ENTPD1: variants seen among roughly 807,000 people sequenced by gnomAD.
ENTPD1 encodes the protein ectonucleoside triphosphate diphosphohydrolase 1.
Under a neutral mutation model 57.0 loss-of-function variants are expected in ENTPD1, and 33 were observed. The ratio of observed to expected loss-of-function variants is 0.58; its 90% CI spans 0.44 to 0.77. ENTPD1 has a LOEUF of 0.77. ENTPD1 is among the 30% of genes least tolerant of loss of function. ENTPD1 has a pLI of 0.00. For missense variants in ENTPD1, 501 were observed against 603.4 expected (o/e 0.83, Z 1.78); for synonymous variants, 202 against 218.8 (o/e 0.92, Z 0.68).
At chr10:95,772,316 G>A (rs2098118492) in intron 1 of ENTPD1, among the ~76,000 whole-genome samples, 1 of 152,206 alleles carries the variant, frequency 6.6e-6, no homozygotes, top group Admixed American at 6.5e-5. Flanking sequence ...ATGTGGTGCT[G>A]TTTGATAACA....
chr10:95,713,294 T>C (rs2097967925), intron 1 of ENTPD1, among the ~76,000 whole-genome samples: 2 of 152,244 alleles, frequency 1.3e-5, no homozygotes, highest in African/African-American at 4.8e-5. Context: ...AGATGGATCC[T>C]TTAAATTAGA....
At chr10:95,776,478 C>T (rs1357602622) in intron 1 of ENTPD1, among the ~76,000 whole-genome samples, 3 of 152,238 alleles carry the variant, frequency 2.0e-5, no homozygotes, top group African/African-American at 7.2e-5. Context: ...CCACTCTCTT[C>T]TGGCTTGTAG....
intron 1 of ENTPD1, among the ~76,000 whole-genome samples, chr10:95,763,674 C>G (rs1053748735): frequency 1.1e-4 from 16 of 152,018 alleles, no homozygotes; most frequent in Non-Finnish European, 2.9e-5. Context: ...CTTCAGACTT[C>G]CAGAACTGTA....
chr10:95,864,827 C>G lies in ENTPD1; in HGVS notation c.1292C>G (p.Ala431Gly). The stretch of plus-strand genomic sequence containing the variant: ...CTTCTGCAAGGCTATCATTTCACAG[C>G]TGATTCCTGGGAGCACATCCATTTC... Reference protein sequence around the residue: ...SLLLQGYHFTADSWEHIHFIG... With the variant: ...SLLLQGYHFTGDSWEHIHFIG... Residue 431 changes from alanine to glycine, a missense_variant, in exon 9 of 10, where the codon GCT becomes GGT. Physicochemically the swap from Ala to Gly is moderately conservative, Grantham distance 60 (BLOSUM62 0). Transcript: ENST00000371205. 3 of 1,613,808 alleles carry G rather than the reference C, an allele frequency of 1.9e-6. No homozygotes were observed. Among genetic ancestry groups the G allele is most frequent in the Non-Finnish European group, 2.5e-6 (3 of 1,180,020 alleles).
chr10:95,765,649 A>C (rs545990985), intron 1 of ENTPD1, among the ~76,000 whole-genome samples: 5 of 152,160 alleles, frequency 3.3e-5, no homozygotes, highest in African/African-American at 1.2e-4. Context: ...TATTTTTTAA[A>C]TATTGTTTGG....
At chr10:95,706,999 G>A (rs972403141), upstream of ENTPD1, among the ~76,000 whole-genome samples, 2 of 152,224 alleles carry the variant, frequency 1.3e-5, no homozygotes, top group Admixed American at 6.5e-5. Context: ...GGGACTGAGG[G>A]GGGTGCCTTC....
At position 95,876,562 on chromosome 10, in the gene ENTPD1, G is replaced by C; in HGVS notation, c.*10179G>C. On this transcript the variant is annotated 3_prime_UTR_variant, in exon 10 of 10. Transcript: ENST00000371205. ...ACCATCTTCTTGGAGTACTCATGAA[G>C]ATGGAAGTCTACATGGAGAATACAG... 8.1e-7 allele frequency: 1 copy of C among 1,231,070 alleles called. No individual in the cohort carries two copies. The highest frequency in any genetic ancestry group is 1.6e-5 in the African/African-American group (1 of 64,510). 76.3% of individuals were successfully genotyped at this position (1,231,070 alleles called of 1,614,324 possible).
chr10:95,715,990 G>T (rs2097971032), intron 1 of ENTPD1, among the ~76,000 whole-genome samples: 1 of 152,032 alleles, frequency 6.6e-6, no homozygotes, highest in Admixed American at 6.5e-5. Context: ...TCAGCCTCCT[G>T]AGTAGCCGGG....
Position 95,758,002 on chromosome 10 carries a change from C to CAAAAAAAAAAA in ENTPD1, c.16+1765_16+1775dup, listed in dbSNP as rs57407553. ...CCTGGGCGAGAGTGAGACACTGTCT[C>CAAAAAAAAAAA]AAAAAAAAAAAAAAAAAAAAAAAAA... On this transcript the variant is annotated intron_variant, in intron 1 of 9. Coordinates refer to ENST00000371205, the MANE Select transcript of ENTPD1 (RefSeq NM_001776.6). Among the ~76,000 whole-genome samples the CAAAAAAAAAAA allele has an allele frequency of 1.1e-3, 28 of 26,402 alleles. 2 individuals carry two copies. The highest frequency in any genetic ancestry group is 5.2e-3 in the East Asian group (3 of 578). 17.3% of individuals were successfully genotyped at this position (26,402 alleles called of 152,430 possible). A position where few individuals can be genotyped will look rare whatever the true frequency, so the allele number is the denominator to read the frequency against.
intron 1 of ENTPD1, among the ~76,000 whole-genome samples, chr10:95,805,718 T>C (rs2140376536): frequency 1.3e-5 from 2 of 152,354 alleles, no homozygotes; most frequent in East Asian, 1.9e-4. Context: ...TTTGCTTGTC[T>C]GTAAAGGATT....
chr10:95,834,209 T>C (rs990574483), intron 2 of ENTPD1, among the ~76,000 whole-genome samples: 1 of 152,368 alleles, frequency 6.6e-6, no homozygotes, highest in Middle Eastern at 3.4e-3. Flanking sequence ...CTGTGCCTAA[T>C]GTATAGTAGG....
intron 1 of ENTPD1, among the ~76,000 whole-genome samples, chr10:95,737,618 C>A (rs1688091032): frequency 6.6e-6 from 1 of 152,046 alleles, no homozygotes; most frequent in South Asian, 2.1e-4. Flanking sequence ...AACTCCTGAC[C>A]TCAGGTGATC....
chr10:95,866,745 A>T lies in ENTPD1; in HGVS notation c.*362A>T, dbSNP rs2098474961. 8.8e-7 allele frequency: 1 copy of T among 1,138,338 alleles called. No homozygotes were observed. The highest frequency in any genetic ancestry group is 4.5e-5 in the Admixed American group (1 of 22,412). The allele number at this position is 1,138,338 out of a possible 1,614,324, so 70.5% of individuals were successfully genotyped here. A position where few individuals can be genotyped will look rare whatever the true frequency, so the allele number is the denominator to read the frequency against. ...TCTTGAGTCCTGTGATAGGAGGCTG[A>T]GCTGGCTGAAAGAAGAATCTCAGGA... On this transcript the variant is annotated 3_prime_UTR_variant, in exon 10 of 10. Coordinates refer to ENST00000371205, the MANE Select transcript of ENTPD1 (RefSeq NM_001776.6).
intron 1 of ENTPD1, among the ~76,000 whole-genome samples, chr10:95,739,908 C>T (rs1056098749): frequency 2.6e-5 from 4 of 152,188 alleles, no homozygotes; most frequent in Admixed American, 6.5e-5. Flanking sequence ...GTTGTGTTAG[C>T]ATGCATAAAA....
At position 95,867,038 on chromosome 10, in the gene ENTPD1, T is replaced by A. The variant is rs2098475283; in HGVS notation, c.*655T>A. 2 of 990,128 alleles carry A rather than the reference T, an allele frequency of 2.0e-6. No individual in the cohort carries two copies. The highest frequency in any genetic ancestry group is 1.2e-6 in the Non-Finnish European group (1 of 832,758). 61.3% of individuals were successfully genotyped at this position (990,128 alleles called of 1,614,324 possible). A position where few individuals can be genotyped will look rare whatever the true frequency, so the allele number is the denominator to read the frequency against. The stretch of plus-strand genomic sequence containing the variant: ...CACATATTCCTAGGTGATACCCAAA[T>A]GCTACAGAGTGGAACACTCAGACCT... On this transcript the variant is annotated 3_prime_UTR_variant, in exon 10 of 10. Transcript: ENST00000371205.
intron 1 of ENTPD1, among the ~76,000 whole-genome samples, chr10:95,758,579 T>C (rs2098040978): frequency 6.6e-6 from 1 of 152,218 alleles, no homozygotes; most frequent in Non-Finnish European, 1.5e-5. Flanking sequence ...TACTTGTCCA[T>C]GCTCCTGCCC....
At position 95,835,265 on chromosome 10, in the gene ENTPD1, T is replaced by G. The variant is rs1590076104; in HGVS notation, c.145-4426T>G. On this transcript the variant is annotated intron_variant, in intron 2 of 9. Coordinates refer to ENST00000371205, the MANE Select transcript of ENTPD1 (RefSeq NM_001776.6). ...TGCATTCATGTTGCTGCAAAGGACATGATTTCATTCTTTTTTATGGCTGCA... is the reference window on the plus strand; with the variant it reads ...TGCATTCATGTTGCTGCAAAGGACAGGATTTCATTCTTTTTTATGGCTGCA... Among the ~76,000 whole-genome samples, 9 of 152,358 alleles carry G rather than the reference T, an allele frequency of 5.9e-5. 2 individuals carry two copies. The South Asian group carries it at 1.9e-3, about 32-fold the overall frequency.
At chr10:95,699,106 T>C in the ENTPD1 span, among the ~76,000 whole-genome samples, 11 of 151,734 alleles carry the variant, frequency 7.2e-5, no homozygotes, top group African/African-American at 2.2e-4. Flanking sequence ...GCCAGGGAGG[T>C]TGAGGCTGCA....
intron 7 of ENTPD1, among the ~76,000 whole-genome samples, chr10:95,853,565 G>T (rs1037953550): frequency 6.6e-6 from 1 of 151,996 alleles, no homozygotes; most frequent in Non-Finnish European, 1.5e-5. Flanking sequence ...ATTGGCTGTG[G>T]GTTTGTCATA....
Sources: allele counts gnomAD v4.1 joint callset (sites outside exome capture counted in the v4.1 genomes callset), GRCh38; gene constraint gnomAD v4.1.1; transcripts MANE v1.5; gene names NCBI Gene and HGNC (gene_info 2026-07-23, HGNC 2026-07-21).